Variants in PUM2 observed in about 807,000 individuals in gnomAD.
PUM2 encodes the protein pumilio RNA binding family member 2.
In PUM2, 57 loss-of-function variants were observed where a neutral mutation model predicts 124.5. That is an observed-to-expected ratio of 0.46 (90% CI 0.37 to 0.57). PUM2 has a LOEUF of 0.57. Ranked by LOEUF, PUM2 falls within the 20% of genes least tolerant of loss-of-function variation. PUM2 has a pLI of 0.00. For synonymous variants in PUM2, 460 were observed against 446.1 expected, an observed-to-expected ratio of 1.03 and a Z score of -0.39; for missense variants, 1,065 against 1,290.6, an observed-to-expected ratio of 0.83 and a Z score of 2.68.
intron 10 of PUM2, among the ~76,000 whole-genome samples, chr2:20,285,678 G>A (rs1347740424): frequency 1.3e-5 from 2 of 152,034 alleles, no homozygotes; most frequent in African/African-American, 4.8e-5. Context: ...CCACATGCCA[G>A]CCACTATTCT....
chr2:20,343,136 A>T (rs1687552828), intron 1 of PUM2, among the ~76,000 whole-genome samples: 1 of 71,958 alleles, frequency 1.4e-5, no homozygotes, highest in South Asian at 5.6e-4. Context: ...GTCTGTGTTT[A>T]AAAAAAAATT....
At chr2:20,339,829 G>A (rs1413882439) in intron 1 of PUM2, among the ~76,000 whole-genome samples, 4 of 152,112 alleles carry the variant, frequency 2.6e-5, no homozygotes, top group African/African-American at 4.8e-5. Context: ...ACAGTGAGCC[G>A]AGATCATGTG....
rs564862472 is a variant in PUM2, at chr2:20,301,479, TA to T, written c.884-3802del. On this transcript the variant is annotated intron_variant, in intron 7 of 20. Transcript: ENST00000361078. Reference sequence around the variant, plus strand: ...CTTTCCTGATATGTATACATACTTTTAAACGCATATATACTCATTCATTTTG... The same window carrying T: ...CTTTCCTGATATGTATACATACTTTTAACGCATATATACTCATTCATTTTG... Among the ~76,000 whole-genome samples, 1,166 of 152,362 alleles carry T rather than the reference TA, an allele frequency of 7.7e-3. 11 individuals are homozygous for T. Among genetic ancestry groups the T allele is most frequent in the African/African-American group, 0.027 (1,116 of 41,580 alleles).
intron 13 of PUM2, among the ~76,000 whole-genome samples, chr2:20,272,410 A>T (rs146355073): frequency 6.6e-6 from 1 of 151,990 alleles, no homozygotes; most frequent in African/African-American, 2.4e-5. Context: ...ATATTCAACT[A>T]CTCCTGCCCA....
At chr2:20,265,457 G>C (rs55747711) in intron 13 of PUM2, among the ~76,000 whole-genome samples, 3 of 152,038 alleles carry the variant, frequency 2.0e-5, no homozygotes, top group Non-Finnish European at 4.4e-5. Context: ...CTAACTGTTC[G>C]TAACAATAAT....
At chr2:20,339,292 G>C (rs1176776746) in intron 1 of PUM2, among the ~76,000 whole-genome samples, 1 of 150,242 alleles carries the variant, frequency 6.7e-6, no homozygotes, top group Non-Finnish European at 1.5e-5. Flanking sequence ...GAGGTGGCAA[G>C]AATCACTTGA....
At chr2:20,261,480 G>C (rs1288544754) in intron 14 of PUM2, among the ~76,000 whole-genome samples, 1 of 138,122 alleles carries the variant, frequency 7.2e-6, no homozygotes, top group African/African-American at 2.8e-5. Context: ...TTACTGGTTT[G>C]TGTATTTAGT....
At chr2:20,299,223 G>A (rs1676370336) in intron 7 of PUM2, among the ~76,000 whole-genome samples, 1 of 152,114 alleles carries the variant, frequency 6.6e-6, no homozygotes, top group African/African-American at 2.4e-5. Flanking sequence ...CTCAACTTCT[G>A]GGATCCGACA....
intron 1 of PUM2, among the ~76,000 whole-genome samples, chr2:20,339,104 TAA>T (rs780007676): frequency 6.6e-5 from 10 of 152,158 alleles, no homozygotes; most frequent in Non-Finnish European, 1.3e-4. Flanking sequence ...CACTAAAAAA[TAA>T]GTTATTTCTA....
chr2:20,336,712 T>TGTGTGTGTTACAGACGGGG (rs201731555), intron 1 of PUM2, among the ~76,000 whole-genome samples: 1 of 133,858 alleles, frequency 7.5e-6, no homozygotes, highest in Non-Finnish European at 1.6e-5. Context: ...TGTGTGTGTG[T>TGTGTGTGTTACAGACGGGG]TACAGACGGG....
chr2:20,263,205 T>C lies in PUM2; in HGVS notation c.2213A>G (p.Gln738Arg). ...IGHIVEFSQD[Q>R]HGSRFIQQKL... The stretch of plus-strand genomic sequence containing the variant: ...CATAATCACCTACCTAGAACCATGC[T>C]GGTCTTGAGAAAACTCAACTATATG... The change falls in exon 14 of 21, where the codon CAG becomes CGG. Residue 738 changes from glutamine to arginine, a missense_variant. Gln to Arg is a conservative substitution (Grantham distance 43). Around this residue, in one of 3 missense-constraint regions of PUM2, gnomAD observed 968 missense variants for 1,159.8 expected, o/e 0.83. Transcript: ENST00000361078. 6.3e-7 allele frequency: 1 copy of C among 1,598,502 alleles called. No individual in the cohort carries two copies. The highest frequency in any genetic ancestry group is 8.6e-7 in the Non-Finnish European group (1 of 1,165,774).
At chr2:20,283,577 A>C (rs759516588) in intron 10 of PUM2, 91 bp from the exon 11 acceptor site, 2 of 1,281,978 alleles carry the variant, frequency 1.6e-6, no homozygotes, top group Non-Finnish European at 1.1e-6. Flanking sequence ...TCAACTAGAC[A>C]ACACAGCTAT....
At chr2:20,319,204 T>A (rs1395629473) in intron 2 of PUM2, among the ~76,000 whole-genome samples, 1 of 152,250 alleles carries the variant, frequency 6.6e-6, no homozygotes, top group African/African-American at 2.4e-5. Context: ...CTGTGCTCTA[T>A]CCTATACTGT....
intron 13 of PUM2, among the ~76,000 whole-genome samples, chr2:20,273,153 A>T (rs1669424892): frequency 6.6e-6 from 1 of 152,224 alleles, no homozygotes; most frequent in Admixed American, 6.5e-5. Context: ...AATTATTTCA[A>T]GTCAGTGTTT....
chr2:20,325,772 C>A (rs990322409), intron 2 of PUM2, among the ~76,000 whole-genome samples: 7 of 152,234 alleles, frequency 4.6e-5, no homozygotes, highest in African/African-American at 1.7e-4. Context: ...CAGGCGCCTG[C>A]CGCCACGCCC....
chr2:20,303,117 TAGACTTG>T (rs909959996), intron 7 of PUM2, among the ~76,000 whole-genome samples: 10 of 152,126 alleles, frequency 6.6e-5, no homozygotes, highest in Non-Finnish European at 1.2e-4. Context: ...CACAGGGAGA[TAGACTTG>T]AGCTGGATTC....
Position 20,263,445 on chromosome 2 carries a change from C to A in PUM2, c.1973G>T (p.Gly658Val). The change falls in exon 14 of 21, where the codon GGT becomes GTT. Residue 658 changes from glycine to valine, a missense_variant. Transcript: ENST00000361078. Reference protein sequence around the residue: ...SSLHLGGLTNGSGRYISAAPG... With the variant: ...SSLHLGGLTNVSGRYISAAPG... Reference sequence around the variant, plus strand: ...TGCTGCAGAGATATATCGACCACTACCATTTGTCAGTCCTCCTACAACAAA... The same window carrying A: ...TGCTGCAGAGATATATCGACCACTAACATTTGTCAGTCCTCCTACAACAAA... The A allele has an allele frequency of 6.2e-7, 1 of 1,610,634 alleles. No homozygotes were observed. Among genetic ancestry groups the A allele is most frequent in the Non-Finnish European group, 8.5e-7 (1 of 1,177,022 alleles).
intron 7 of PUM2, among the ~76,000 whole-genome samples, chr2:20,299,684 A>T (rs978456490): frequency 6.6e-5 from 10 of 151,986 alleles, no homozygotes; most frequent in Non-Finnish European, 1.3e-4. Context: ...AAATAACAAC[A>T]ACATGGTTTT....
intron 1 of PUM2, among the ~76,000 whole-genome samples, chr2:20,334,583 A>G (rs917840397): frequency 2.6e-5 from 4 of 152,214 alleles, no homozygotes; most frequent in African/African-American, 4.8e-5. Flanking sequence ...GAAAAAAACC[A>G]TATTTTATGA....
Sources: gnomAD v4.1 joint callset for allele counts (sites outside exome capture counted in the v4.1 genomes callset) on GRCh38, gnomAD v4.1.1 for gene constraint, gnomAD v4.1.1 regional missense constraint, MANE v1.5 for transcripts, NCBI Gene and HGNC (gene_info 2026-07-23, HGNC 2026-07-21) for gene names.